TANC2: variants seen among roughly 807,000 people sequenced by gnomAD.
TANC2 encodes the protein protein TANC2.
A neutral mutation model predicts 210.5 loss-of-function variants in TANC2; 26 were observed. The observed-to-expected ratio is 0.12, with a 90% CI of 0.09 to 0.17. The LOEUF (loss-of-function observed/expected upper bound fraction) is 0.17, where lower values mean the gene tolerates loss of function less well. Ranked by LOEUF, TANC2 falls within the 10% of genes least tolerant of loss-of-function variation. The probability of loss-of-function intolerance (pLI) is 1.00; values close to 1 mark genes in which losing one functional copy is unlikely to be tolerated. For synonymous variants in TANC2, 931 were observed against 967.1 expected (o/e 0.96, Z 0.69); for missense variants, 2,129 against 2,608.9 (o/e 0.82, Z 4.01).
intron 7 of TANC2, among the ~76,000 whole-genome samples, chr17:63,208,477 T>TA (rs2041790192): frequency 6.6e-6 from 1 of 152,218 alleles, no homozygotes; most frequent in South Asian, 2.1e-4. Flanking sequence ...ATCATCATCT[T>TA]GAGGATTCTC....
intron 14 of TANC2, among the ~76,000 whole-genome samples, chr17:63,376,587 A>G (rs2047431224): frequency 6.6e-6 from 1 of 152,176 alleles, no homozygotes; most frequent in Non-Finnish European, 1.5e-5. Context: ...TCATTCCAGT[A>G]AGAGTTTAAA....
rs1167688464 is a variant in TANC2 at position 63,127,555 on chromosome 17, C to G, written c.323-23715C>G. ...GTATAGATTAGAGACTGAAATGTGA[C>G]AAAGTAGAAATGATTTCTTTATGAA... On this transcript the variant is annotated intron_variant, in intron 4 of 27. Coordinates refer to ENST00000689528, the Ensembl canonical transcript of TANC2. Among the ~76,000 whole-genome samples the G allele has an allele frequency of 3.9e-5, 6 of 152,290 alleles. No individual in the cohort carries two copies. The East Asian group carries it at 1.2e-3, about 29-fold the overall frequency.
At chr17:63,395,914 A>T in exon 18 of TANC2, 1 of 1,596,068 alleles carries the variant, frequency 6.3e-7, no homozygotes, top group South Asian at 1.1e-5. Context: ...TGCAGCCAGC[A>T]TGGGTTATAC....
rs752643075 is a variant in TANC2, at chr17:63,345,619, CAA to C, written c.1807+5306_1807+5307del. 2.2e-3 allele frequency among the ~76,000 whole-genome samples: 188 copies of C among 86,596 alleles called. 2 individuals are homozygous for C. The highest frequency in any genetic ancestry group is 3.2e-3 in the African/African-American group (81 of 25,082). The allele number at this position is 86,596 out of a possible 152,430, so 56.8% of individuals were successfully genotyped here. ...GGGCAACAAGAGCAAAATTCTGTCT[CAA>C]AAAAAAAAAAAAAAAAAACACATAA... On this transcript the variant is annotated intron_variant, in intron 12 of 27. Transcript: ENST00000689528.
chr17:63,307,024 T>A (rs2044935274), intron 9 of TANC2, among the ~76,000 whole-genome samples: 1 of 152,142 alleles, frequency 6.6e-6, no homozygotes, highest in South Asian at 2.1e-4. Flanking sequence ...TAGTAGCATT[T>A]ACGCTGAAAC....
intron 11 of TANC2, among the ~76,000 whole-genome samples, chr17:63,326,655 A>G (rs575962042): frequency 3.3e-5 from 5 of 152,008 alleles, no homozygotes; most frequent in Non-Finnish European, 5.9e-5. Context: ...GCTTGAGCCC[A>G]AGAGGTATGG....
intron 9 of TANC2, among the ~76,000 whole-genome samples, chr17:63,300,828 G>C (rs191313745): frequency 6.6e-6 from 1 of 152,278 alleles, no homozygotes. Flanking sequence ...AATAGGAGTA[G>C]TGAGAGAGGG....
intron 14 of TANC2, among the ~76,000 whole-genome samples, chr17:63,378,261 T>C (rs1381500815): frequency 6.6e-6 from 1 of 152,144 alleles, no homozygotes; most frequent in Non-Finnish European, 1.5e-5. Context: ...TTAGGCACTA[T>C]GGAAGATATA....
intron 9 of TANC2, among the ~76,000 whole-genome samples, chr17:63,283,581 G>GGAGAAA (rs1213392054): frequency 1.3e-5 from 2 of 151,784 alleles, no homozygotes; most frequent in African/African-American, 4.8e-5. Flanking sequence ...AGATAATTTG[G>GGAGAAA]GAGAAAATTG....
intron 1 of TANC2, among the ~76,000 whole-genome samples, chr17:63,002,416 C>G (rs186271352): frequency 2.0e-5 from 3 of 152,294 alleles, no homozygotes; most frequent in Admixed American, 1.3e-4. Flanking sequence ...TGTTATAATT[C>G]ATCACATATC....
chr17:63,267,996 AT>A, intron 9 of TANC2, 123 bp downstream of exon 9: 2 of 1,113,056 alleles, frequency 1.8e-6, no homozygotes, highest in Non-Finnish European at 2.4e-6. Flanking sequence ...GAAATGATCC[AT>A]TTTAGCATGT....
At chr17:63,256,917 T>G (rs891868356) in intron 8 of TANC2, among the ~76,000 whole-genome samples, 10 of 152,222 alleles carry the variant, frequency 6.6e-5, no homozygotes, top group Admixed American at 5.2e-4. Context: ...TTGTCTGATA[T>G]AACTATAGCT....
At chr17:63,382,001 T>C (rs2047627168) in intron 15 of TANC2, among the ~76,000 whole-genome samples, 1 of 152,220 alleles carries the variant, frequency 6.6e-6, no homozygotes, top group African/African-American at 2.4e-5. Flanking sequence ...TATTTTTGGC[T>C]ACATCCTGGC....
intron 1 of TANC2, among the ~76,000 whole-genome samples, chr17:62,988,374 G>A (rs2032685024): frequency 6.8e-6 from 1 of 148,064 alleles, no homozygotes; most frequent in African/African-American, 2.5e-5. Flanking sequence ...CTCACCTTAA[G>A]TGATTTGCTG....
chr17:63,133,321 G>C (rs1392991210), intron 4 of TANC2, among the ~76,000 whole-genome samples: 2 of 151,912 alleles, frequency 1.3e-5, no homozygotes, highest in African/African-American at 4.8e-5. Flanking sequence ...TGGCCAGGCT[G>C]GTCTCAAACT....
intron 2 of TANC2, 33 bp downstream of exon 2, chr17:63,009,659 T>C: frequency 1.9e-6 from 3 of 1,588,594 alleles, no homozygotes; most frequent in South Asian, 2.2e-5. Flanking sequence ...TTGTGCGTGA[T>C]ATTTTACAAA....
chr17:63,226,674 G>A (rs1039691501), intron 7 of TANC2, among the ~76,000 whole-genome samples: 1 of 152,132 alleles, frequency 6.6e-6, no homozygotes. Flanking sequence ...ATGTGTGGTA[G>A]CAATTTGCTC....
chr17:63,025,039 GT>G (rs1419181316), intron 2 of TANC2, among the ~76,000 whole-genome samples: 1 of 151,964 alleles, frequency 6.6e-6, no homozygotes, highest in Non-Finnish European at 1.5e-5. Flanking sequence ...TTTTTTTCTT[GT>G]TTTTCATAGA....
intron 14 of TANC2, among the ~76,000 whole-genome samples, chr17:63,372,704 T>A (rs1567962772): frequency 6.6e-6 from 1 of 152,048 alleles, no homozygotes; most frequent in Non-Finnish European, 1.5e-5. Flanking sequence ...TAAAAGTAGG[T>A]CTGTTTGACT....
Sources: allele counts gnomAD v4.1 joint callset (sites outside exome capture counted in the v4.1 genomes callset), GRCh38; gene constraint gnomAD v4.1.1; transcripts MANE v1.5; gene names NCBI Gene and HGNC (gene_info 2026-07-23, HGNC 2026-07-21).